The following UBE2E2 variants were observed in gnomAD, a reference collection of about 807,000 sequenced individuals.
UBE2E2 encodes the protein ubiquitin-conjugating enzyme E2 E2.
Under a neutral mutation model 24.7 loss-of-function variants are expected in UBE2E2, and 6 were observed. That is an observed-to-expected ratio of 0.24 (90% confidence interval 0.13 to 0.48). UBE2E2 has a LOEUF of 0.48. Ranked by LOEUF, UBE2E2 falls within the 20% of genes least tolerant of loss-of-function variation. UBE2E2 has a pLI of 0.99. For synonymous variants in UBE2E2, 104 were observed against 83.6 expected (o/e 1.24, Z -1.33); for missense variants, 169 against 245.0 (o/e 0.69, Z 2.07).
At chr3:23,381,903 T>G (rs1195364258) in intron 3 of UBE2E2, among the ~76,000 whole-genome samples, 1 of 152,180 alleles carries the variant, frequency 6.6e-6, no homozygotes, top group Non-Finnish European at 1.5e-5. Context: ...GGATGTAGAC[T>G]GAGAAGGTGG....
intron 3 of UBE2E2, among the ~76,000 whole-genome samples, chr3:23,218,390 C>T (rs1373625200): frequency 6.6e-6 from 1 of 151,944 alleles, no homozygotes; most frequent in East Asian, 1.9e-4. Context: ...CTTTTTGTCA[C>T]TCTTAGGACT....
At chr3:23,339,366 A>G (rs1173441970) in intron 3 of UBE2E2, among the ~76,000 whole-genome samples, 1 of 152,158 alleles carries the variant, frequency 6.6e-6, no homozygotes, top group Non-Finnish European at 1.5e-5. Flanking sequence ...TATTAGTAGG[A>G]CAATTAACAA....
chr3:23,335,699 T>C (rs1695187234), intron 3 of UBE2E2, among the ~76,000 whole-genome samples: 1 of 152,112 alleles, frequency 6.6e-6, no homozygotes. Flanking sequence ...CTCACCTGGC[T>C]AATTTTAAAA....
chr3:23,538,042 C>G (rs919027069), intron 5 of UBE2E2, among the ~76,000 whole-genome samples: 1 of 152,056 alleles, frequency 6.6e-6, no homozygotes, highest in Non-Finnish European at 1.5e-5. Context: ...AGAACAATTT[C>G]TTTAACTGAA....
intron 3 of UBE2E2, among the ~76,000 whole-genome samples, chr3:23,469,532 G>C (rs949339596): frequency 6.6e-6 from 1 of 152,098 alleles, no homozygotes; most frequent in Non-Finnish European, 1.5e-5. Context: ...CCTGTGTTTT[G>C]ATGTTTCATT....
chr3:23,383,715 T>C (rs1468160947), intron 3 of UBE2E2, among the ~76,000 whole-genome samples: 1 of 152,138 alleles, frequency 6.6e-6, no homozygotes, highest in Non-Finnish European at 1.5e-5. Flanking sequence ...TGAAAATATA[T>C]TTTCTTCTAG....
At chr3:23,524,982 C>T (rs1694960669) in intron 4 of UBE2E2, among the ~76,000 whole-genome samples, 1 of 151,956 alleles carries the variant, frequency 6.6e-6, no homozygotes, top group Admixed American at 6.6e-5. Context: ...TCTTATAGTT[C>T]CGTGGGTCAG....
At chr3:23,473,959 A>C (rs977899656) in intron 3 of UBE2E2, among the ~76,000 whole-genome samples, 2 of 152,030 alleles carry the variant, frequency 1.3e-5, no homozygotes, top group African/African-American at 2.4e-5. Flanking sequence ...TTCTATTTTT[A>C]GTTCTTTAAG....
intron 3 of UBE2E2, among the ~76,000 whole-genome samples, chr3:23,391,268 C>T (rs1696926206): frequency 6.6e-6 from 1 of 152,120 alleles, no homozygotes; most frequent in Non-Finnish European, 1.5e-5. Context: ...CCTAAGTTGC[C>T]AGTTATATTA....
chr3:23,267,201 A>G (rs924874296), intron 3 of UBE2E2, among the ~76,000 whole-genome samples: 1 of 151,430 alleles, frequency 6.6e-6, no homozygotes, highest in African/African-American at 2.4e-5. Context: ...AAATAACTAA[A>G]ATCAGAGCAG....
intron 3 of UBE2E2, among the ~76,000 whole-genome samples, chr3:23,301,247 GAGT>G (rs777022421): frequency 6.6e-6 from 1 of 152,128 alleles, no homozygotes; most frequent in Admixed American, 6.5e-5. Flanking sequence ...CTGTAGCTCA[GAGT>G]AGTTTGATTG....
chr3:23,206,522 A>G (rs1231374858), intron 1 of UBE2E2, among the ~76,000 whole-genome samples: 1 of 152,114 alleles, frequency 6.6e-6, no homozygotes, highest in Non-Finnish European at 1.5e-5. Context: ...TTCCGTTAGT[A>G]TGTTTCAGAG....
At chr3:23,468,770 ATGCATCT>A (rs1386016867) in intron 3 of UBE2E2, among the ~76,000 whole-genome samples, 1 of 152,224 alleles carries the variant, frequency 6.6e-6, no homozygotes, top group Non-Finnish European at 1.5e-5. Context: ...AAATAACTGC[ATGCATCT>A]TCTTGAACAA....
chr3:23,548,297 C>T (rs767246736), intron 5 of UBE2E2, among the ~76,000 whole-genome samples: 2 of 152,302 alleles, frequency 1.3e-5, no homozygotes, highest in South Asian at 4.1e-4. Context: ...TTTCTTACTC[C>T]TCTTTGTCTT....
chr3:23,527,418 G>A (rs1257928897), intron 4 of UBE2E2, among the ~76,000 whole-genome samples: 1 of 152,164 alleles, frequency 6.6e-6, no homozygotes, highest in Non-Finnish European at 1.5e-5. Context: ...CTGCGATATT[G>A]TGATTTTTAA....
At chr3:23,303,236 A>T (rs1295302789) in intron 3 of UBE2E2, among the ~76,000 whole-genome samples, 1 of 152,016 alleles carries the variant, frequency 6.6e-6, no homozygotes. Flanking sequence ...AGGAAGACGA[A>T]CTCAGGTCTC....
Position 23,562,280 on chromosome 3 carries a change from C to T in UBE2E2, c.509-27454C>T, listed in dbSNP as rs1045211497. Among the ~76,000 whole-genome samples the T allele has an allele frequency of 5.3e-5, 8 of 151,952 alleles. No homozygotes were observed. The East Asian group carries it at 9.7e-4, about 18-fold the overall frequency. ...TTTATTGAGAGTTTTTAGCATGAAG[C>T]GTTGTTGAATTTTGTCAAAGGCCTT... On this transcript the variant is annotated intron_variant, in intron 5 of 5. Coordinates refer to ENST00000396703, the MANE Select transcript of UBE2E2 (RefSeq NM_152653.4).
chr3:23,386,227 T>G (rs577337679), intron 3 of UBE2E2, among the ~76,000 whole-genome samples: 7 of 151,902 alleles, frequency 4.6e-5, no homozygotes, highest in Non-Finnish European at 7.4e-5. Flanking sequence ...AGTCCAAGAT[T>G]GAGGCACTGG....
chr3:23,529,051 G>C (rs1219953426), intron 4 of UBE2E2, among the ~76,000 whole-genome samples: 2 of 152,190 alleles, frequency 1.3e-5, no homozygotes, highest in Admixed American at 1.3e-4. Flanking sequence ...ATTTCAATTG[G>C]TTACCTACTA....
Sources: gnomAD v4.1 joint callset for allele counts (sites outside exome capture counted in the v4.1 genomes callset) on GRCh38, gnomAD v4.1.1 for gene constraint, MANE v1.5 for transcripts, NCBI Gene and HGNC (gene_info 2026-07-23, HGNC 2026-07-21) for gene names.